The following SVEP1 variants were observed in gnomAD, a reference collection of about 807,000 sequenced individuals.
SVEP1 encodes sushi, von Willebrand factor type A, EGF and pentraxin domain-containing protein 1.
Under a neutral mutation model 367.3 loss-of-function variants are expected in SVEP1, and 164 were observed. That is an observed-to-expected ratio of 0.45 (90% confidence interval 0.39 to 0.51). The LOEUF is 0.51. Ranked by LOEUF, SVEP1 falls within the 20% of genes least tolerant of loss-of-function variation. SVEP1 has a pLI of 0.00. For synonymous variants in SVEP1, 1,666 were observed against 1,611.6 expected, an observed-to-expected ratio of 1.03 and a Z score of -0.81; for missense variants, 4,117 against 4,425.3, an observed-to-expected ratio of 0.93 and a Z score of 1.98.
At chr9:110,457,148 G>T in intron 21 of SVEP1, 108 bp downstream of exon 21, 1 of 882,448 alleles carries the variant, frequency 1.1e-6, no homozygotes, top group Non-Finnish European at 1.7e-6. Context: ...CATTTACATG[G>T]TCTAATGTAT....
intron 12 of SVEP1, among the ~76,000 whole-genome samples, chr9:110,480,321 G>T (rs1219883937): frequency 1.3e-5 from 2 of 152,140 alleles, no homozygotes; most frequent in Non-Finnish European, 2.9e-5. Flanking sequence ...TGTGAAAGAG[G>T]TGAATGGTAT....
In SVEP1 at chr9:110,532,033, A is replaced by G. The variant is rs141079953; in HGVS notation, c.964+14082T>C. Reference sequence around the variant, plus strand: ...TTCACCTTCACTTCTCCAAAAAAGGAATGGAAAATTCCCAGGAAGTTGGGA... The same window carrying G: ...TTCACCTTCACTTCTCCAAAAAAGGGATGGAAAATTCCCAGGAAGTTGGGA... On this transcript the variant is annotated intron_variant, in intron 3 of 47. Transcript: ENST00000374469. Among the ~76,000 whole-genome samples the G allele has an allele frequency of 3.6e-3, 553 of 152,268 alleles. 5 individuals are homozygous for G. Among genetic ancestry groups the G allele is most frequent in the African/African-American group, 0.012 (517 of 41,560 alleles).
rs377709665 is a variant in SVEP1 at position 110,436,494 on chromosome 9, C to T, written c.4650G>A (p.Ala1550=). The T allele has an allele frequency of 1.2e-4, 187 of 1,613,402 alleles. 1 individual carries two copies. The Middle Eastern group carries it at 2.0e-3, about 17-fold the overall frequency. ...TGTCTTGCTCTTGCCCCAGAACTAA[C>T]GCACCACCACCTAAGGAGAGAGAAA... ...SVGLPIPGGG[A]LVLGQEQDKK... is the part of the protein sequence containing the mutation. Residue 1550 remains alanine, a synonymous_variant, in exon 28 of 48, where the codon GCG becomes GCA. Transcript: ENST00000374469.
At chr9:110,434,054 T>C (rs1453869899) in intron 30 of SVEP1, among the ~76,000 whole-genome samples, 1 of 152,136 alleles carries the variant, frequency 6.6e-6, no homozygotes, top group African/African-American at 2.4e-5. Flanking sequence ...CCTCCAGCAA[T>C]GACCCATCTA....
chr9:110,523,176 T>C (rs1229205086), intron 3 of SVEP1, among the ~76,000 whole-genome samples: 2 of 152,158 alleles, frequency 1.3e-5, no homozygotes, highest in East Asian at 1.9e-4. Context: ...AGATTTTTCC[T>C]ACCTTCCCAC....
chr9:110,398,970 C>T (rs544665709), intron 40 of SVEP1, among the ~76,000 whole-genome samples: 11 of 152,266 alleles, frequency 7.2e-5, no homozygotes, highest in African/African-American at 2.2e-4. Flanking sequence ...AGAAATACCA[C>T]TTGACCCAGC....
At chr9:110,523,232 T>C (rs1829899184) in intron 3 of SVEP1, among the ~76,000 whole-genome samples, 1 of 152,190 alleles carries the variant, frequency 6.6e-6, no homozygotes, top group South Asian at 2.1e-4. Context: ...ATACTTTTCA[T>C]TCTCTGCAAG....
intron 40 of SVEP1, among the ~76,000 whole-genome samples, chr9:110,390,158 CAT>C (rs1564127299): frequency 9.8e-6 from 1 of 102,470 alleles, no homozygotes; most frequent in East Asian, 3.3e-4. Context: ...TATATACATA[CAT>C]ACTTATATAA....
intron 3 of SVEP1, among the ~76,000 whole-genome samples, chr9:110,523,916 T>C (rs1829909673): frequency 6.6e-6 from 1 of 151,606 alleles, no homozygotes; most frequent in Non-Finnish European, 1.5e-5. Flanking sequence ...TTTGAAAAGA[T>C]AATAAAATGA....
chr9:110,450,348 G>T, intron 23 of SVEP1, 88 bp from the exon 24 acceptor site: 1 of 1,345,042 alleles, frequency 7.4e-7, no homozygotes. Context: ...GGAGGATGCT[G>T]CTTCTAGAGG....
chr9:110,458,124 C>T (rs1449307762), intron 20 of SVEP1: 4 of 508,688 alleles, frequency 7.9e-6, no homozygotes, highest in Non-Finnish European at 1.5e-5. Flanking sequence ...CTCTGCCTGC[C>T]AATTAGAAAA....
intron 1 of SVEP1, among the ~76,000 whole-genome samples, chr9:110,570,726 C>T (rs1224471586): frequency 6.6e-6 from 1 of 152,002 alleles, no homozygotes; most frequent in African/African-American, 2.4e-5. Context: ...GGTGATCTGC[C>T]TGCTTTGGCC....
Position 110,407,811 on chromosome 9 carries a change from C to T in SVEP1, c.7789G>A (p.Glu2597Lys). 1 of 1,614,012 alleles carries T rather than the reference C, an allele frequency of 6.2e-7. No homozygotes were observed. Reference sequence around the variant, plus strand: ...ATGGAACTTGACCATCCTGACTCTTCACAGGTCTGCATGGCATGACCAGCC... The same window carrying T: ...ATGGAACTTGACCATCCTGACTCTTTACAGGTCTGCATGGCATGACCAGCC... ...QVAGHAMQTCEESGWSSSIPT... is the reference protein window; with the variant it reads ...QVAGHAMQTCKESGWSSSIPT... Residue 2597 changes from glutamate (E) to lysine (K), a missense_variant, in exon 38 of 48, where the codon GAA (glutamate) becomes AAA (lysine). Coordinates refer to ENST00000374469, the MANE Select transcript of SVEP1 (RefSeq NM_153366.4).
chr9:110,408,924 C>A lies in SVEP1; in HGVS notation c.6676G>T (p.Glu2226Ter). Reference protein sequence around the residue: ...EHTTGRIFESEVRYQCNPGYK... With the variant: ...EHTTGRIFES The stretch of plus-strand genomic sequence containing the variant: ...CCCGGGTTACACTGATACCTCACTT[C>A]ACTCTCAAAGATCCTGCCAGTTGTA... Residue 2226 changes from glutamate to a stop codon, truncating the protein, a stop_gained, in exon 38 of 48, where the codon GAA becomes TAA. Coordinates refer to ENST00000374469, the MANE Select transcript of SVEP1 (RefSeq NM_153366.4). LOFTEE classifies it high-confidence loss of function. The A allele has an allele frequency of 6.3e-7, 1 of 1,595,852 alleles. No homozygotes were observed.
At chr9:110,375,756 A>G (rs569455769) in intron 45 of SVEP1, among the ~76,000 whole-genome samples, 9 of 148,994 alleles carry the variant, frequency 6.0e-5, no homozygotes, top group African/African-American at 2.1e-4. Flanking sequence ...CTTTGCTTTA[A>G]CTCTTCACAA....
Position 110,567,456 on chromosome 9 carries a change from A to G in SVEP1, c.531+11557T>C, listed in dbSNP as rs372227629. 2.0e-3 allele frequency among the ~76,000 whole-genome samples: 299 copies of G among 152,330 alleles called. 3 individuals are homozygous for G. The highest frequency in any genetic ancestry group is 6.8e-3 in the African/African-American group (283 of 41,568). ...TTGATACTCGGTCTCATTCCATGAA[A>G]GAATAGGAGAAAGAGGAAATATTGA... On this transcript the variant is annotated intron_variant, in intron 1 of 47. Coordinates refer to ENST00000374469, the MANE Select transcript of SVEP1 (RefSeq NM_153366.4).
chr9:110,466,153 T>C (rs892285259), intron 17 of SVEP1, 127 bp from the exon 18 acceptor site: 1 of 971,234 alleles, frequency 1.0e-6, no homozygotes, highest in Non-Finnish European at 1.5e-6. Flanking sequence ...CCCAGAGAGC[T>C]CTTTCTCCTG....
At position 110,411,594 on chromosome 9, in the gene SVEP1, A is replaced by G. The variant is rs772757220; in HGVS notation, c.6117T>C (p.Phe2039=). Reference sequence around the variant, plus strand: ...AGCAGTAGTAGAATGCAATGTCTCCAAAGAGCCGATGGGCAGTCTCTGGAG... The same window carrying G: ...AGCAGTAGTAGAATGCAATGTCTCCGAAGAGCCGATGGGCAGTCTCTGGAG... The part of the protein sequence containing the change: ...HASPETAHRL[F]GDIAFYYCSD... Residue 2039 remains phenylalanine (F), a synonymous_variant, in exon 37 of 48, where the codon TTT becomes TTC. Transcript: ENST00000374469. 1 of 1,613,814 alleles carries G rather than the reference A, an allele frequency of 6.2e-7. No homozygotes were observed. Among genetic ancestry groups the G allele is most frequent in the Non-Finnish European group, 8.5e-7 (1 of 1,179,886 alleles).
intron 1 of SVEP1, among the ~76,000 whole-genome samples, chr9:110,557,978 T>G (rs1830375344): frequency 6.6e-6 from 1 of 152,116 alleles, no homozygotes; most frequent in Admixed American, 6.5e-5. Context: ...CTATTGCAAC[T>G]GAGAAATTGA....
Sources: allele counts gnomAD v4.1 joint callset (sites outside exome capture counted in the v4.1 genomes callset), GRCh38; gene constraint gnomAD v4.1.1; transcripts MANE v1.5; gene names NCBI Gene and HGNC (gene_info 2026-07-23, HGNC 2026-07-21).